Variants in NCKAP5 observed in about 807,000 individuals in gnomAD.
NCKAP5 encodes the protein NCK associated protein 5, also known as nck-associated protein 5.
In NCKAP5, 92 loss-of-function variants were observed where a neutral mutation model predicts 167.0. The observed-to-expected ratio is 0.55, with a 90% CI of 0.47 to 0.66. The LOEUF (loss-of-function observed/expected upper bound fraction) is 0.66. NCKAP5 is among the 30% of genes least tolerant of loss of function. The pLI, the probability that NCKAP5 is intolerant of heterozygous loss-of-function variation, is 0.00. For missense variants in NCKAP5, 2,378 were observed against 2,315.0 expected (o/e 1.03, Z -0.56); for synonymous variants, 891 against 877.4 (o/e 1.02, Z -0.27).
intron 8 of NCKAP5, among the ~76,000 whole-genome samples, chr2:132,895,816 C>CAAAAAAAAAAAAA (rs59012786): frequency 9.5e-6 from 1 of 105,252 alleles, no homozygotes; most frequent in Non-Finnish European, 2.0e-5. Context: ...GAGAAGGACT[C>CAAAAAAAAAAAAA]AAAAAAAAAA....
At chr2:133,048,218 G>A (rs529011199) in intron 6 of NCKAP5, among the ~76,000 whole-genome samples, 1 of 152,250 alleles carries the variant, frequency 6.6e-6, no homozygotes, top group Admixed American at 6.5e-5. Context: ...GGGGAACCTG[G>A]CACATAAAAT....
chr2:133,607,403 A>G, the NCKAP5 span, among the ~76,000 whole-genome samples: 3 of 152,098 alleles, frequency 2.0e-5, no homozygotes, highest in East Asian at 1.9e-4. Context: ...TCAGTCTAGT[A>G]TGCGTCCAGC....
intron 3 of NCKAP5, among the ~76,000 whole-genome samples, chr2:133,403,971 T>C (rs1211651805): frequency 1.3e-5 from 2 of 152,128 alleles, no homozygotes; most frequent in African/African-American, 2.4e-5. Context: ...TGATGAGCCT[T>C]GGCCCTTGCC....
At chr2:133,599,482 G>T in the NCKAP5 span, among the ~76,000 whole-genome samples, 2 of 152,200 alleles carry the variant, frequency 1.3e-5, no homozygotes, top group African/African-American at 4.8e-5. Context: ...ACAGGAGTCT[G>T]GCTTGGCAGC....
chr2:133,041,387 G>A (rs528904179), intron 6 of NCKAP5, among the ~76,000 whole-genome samples: 1 of 152,220 alleles, frequency 6.6e-6, no homozygotes, highest in South Asian at 2.1e-4. Flanking sequence ...GAATTCTGAT[G>A]ATGTTAATGT....
chr2:133,281,346 CTT>C (rs1238857325), intron 4 of NCKAP5, among the ~76,000 whole-genome samples: 4 of 152,122 alleles, frequency 2.6e-5, no homozygotes, highest in African/African-American at 7.2e-5. Context: ...AAAATGTAAA[CTT>C]GGGTTTTTTC....
intron 8 of NCKAP5, among the ~76,000 whole-genome samples, chr2:132,927,248 C>T (rs576474196): frequency 1.2e-3 from 180 of 152,180 alleles, no homozygotes; most frequent in African/African-American, 3.9e-3. Flanking sequence ...ATAGAAGTGC[C>T]ATGCTGTATT....
At chr2:133,421,623 C>T (rs1196930006) in intron 3 of NCKAP5, among the ~76,000 whole-genome samples, 2 of 152,180 alleles carry the variant, frequency 1.3e-5, no homozygotes, top group African/African-American at 2.4e-5. Flanking sequence ...GCACAGCCTG[C>T]GTTTACTCAC....
At chr2:133,632,233 C>A in the NCKAP5 span, among the ~76,000 whole-genome samples, 18 of 152,182 alleles carry the variant, frequency 1.2e-4, no homozygotes, top group Non-Finnish European at 1.9e-4. Flanking sequence ...CAGGCAGGAG[C>A]CTGTTCTGAG....
chr2:133,666,013 A>G, the NCKAP5 span, among the ~76,000 whole-genome samples: 1 of 152,052 alleles, frequency 6.6e-6, no homozygotes, highest in Admixed American at 6.6e-5. Context: ...GTAAGATGAA[A>G]GTAAAAATTA....
chr2:133,663,438 G>C, the NCKAP5 span, among the ~76,000 whole-genome samples: 1 of 152,124 alleles, frequency 6.6e-6, no homozygotes, highest in Non-Finnish European at 1.5e-5. Context: ...AAAAAATAAA[G>C]TTTGACATTG....
At chr2:133,181,979 T>C (rs1165733606) in intron 5 of NCKAP5, among the ~76,000 whole-genome samples, 1 of 152,190 alleles carries the variant, frequency 6.6e-6, no homozygotes, top group Non-Finnish European at 1.5e-5. Flanking sequence ...ACTATATTAA[T>C]ATCAGGTAGA....
At chr2:132,967,200 CAT>C (rs1319289025) in intron 7 of NCKAP5, among the ~76,000 whole-genome samples, 46 of 146,614 alleles carry the variant, frequency 3.1e-4, no homozygotes, top group Admixed American at 2.0e-3. Flanking sequence ...CACACACACA[CAT>C]ACACACACAC....
chr2:133,283,003 T>C (rs543775807), intron 4 of NCKAP5, among the ~76,000 whole-genome samples: 14 of 152,318 alleles, frequency 9.2e-5, no homozygotes, highest in African/African-American at 3.1e-4. Context: ...CAGGGGCTTA[T>C]TGTTTAACAA....
intron 19 of NCKAP5, among the ~76,000 whole-genome samples, chr2:132,698,751 T>A (rs1687577898): frequency 6.6e-6 from 1 of 152,146 alleles, no homozygotes; most frequent in Non-Finnish European, 1.5e-5. Flanking sequence ...GGAGAATCAC[T>A]TGAACCCGGG....
intron 9 of NCKAP5, among the ~76,000 whole-genome samples, chr2:132,875,864 C>A (rs1160387490): frequency 6.6e-6 from 1 of 152,092 alleles, no homozygotes; most frequent in Admixed American, 6.5e-5. Flanking sequence ...TGTTTGTATA[C>A]AGGTGTGTGC....
intron 11 of NCKAP5, among the ~76,000 whole-genome samples, chr2:132,842,321 C>T (rs1688348004): frequency 6.6e-6 from 1 of 151,890 alleles, no homozygotes; most frequent in African/African-American, 2.4e-5. Context: ...TTTTATTAGT[C>T]AAATGAGAGA....
At chr2:133,176,883 G>T (rs1234472943) in intron 5 of NCKAP5, among the ~76,000 whole-genome samples, 1 of 152,084 alleles carries the variant, frequency 6.6e-6, no homozygotes, top group Non-Finnish European at 1.5e-5. Context: ...CAACTTTAGG[G>T]TTCTGAAGTC....
chr2:133,382,506 ACT>A (rs1352887078), intron 3 of NCKAP5, among the ~76,000 whole-genome samples: 1 of 151,158 alleles, frequency 6.6e-6, no homozygotes, highest in East Asian at 1.9e-4. Context: ...TCACCCCTTA[ACT>A]CTCTGCACAC....
Sources: allele counts gnomAD v4.1 joint callset (sites outside exome capture counted in the v4.1 genomes callset), GRCh38; gene constraint gnomAD v4.1.1; transcripts MANE v1.5; gene names NCBI Gene and HGNC (gene_info 2026-07-23, HGNC 2026-07-21).